TMEM161B: variants seen among roughly 807,000 people sequenced by gnomAD.
TMEM161B encodes transmembrane protein 161B.
A neutral mutation model predicts 61.8 loss-of-function variants in TMEM161B; 34 were observed. That is an observed-to-expected ratio of 0.55 (90% CI 0.42 to 0.73). TMEM161B has a LOEUF of 0.73. TMEM161B is among the 30% of genes least tolerant of loss of function. The probability of loss-of-function intolerance (pLI) is 0.00; values close to 1 mark genes in which losing one functional copy is unlikely to be tolerated. For missense variants in TMEM161B, 456 were observed against 558.5 expected, an observed-to-expected ratio of 0.82 and a Z score of 1.85; for synonymous variants, 167 against 192.8, an observed-to-expected ratio of 0.87 and a Z score of 1.11.
At chr5:88,221,795 T>C in intron 4 of TMEM161B, 1 of 455,728 alleles carries the variant, frequency 2.2e-6, no homozygotes, top group Non-Finnish European at 4.4e-6. Flanking sequence ...TACATAACCA[T>C]CAATTCAGAT....
At chr5:88,211,808 G>A (rs1746858993) in intron 5 of TMEM161B, among the ~76,000 whole-genome samples, 1 of 149,820 alleles carries the variant, frequency 6.7e-6, no homozygotes, top group Non-Finnish European at 1.5e-5. Flanking sequence ...CTGATGATGA[G>A]AGGTTAATCC....
At chr5:88,263,589 C>G (rs771725724) in intron 1 of TMEM161B, among the ~76,000 whole-genome samples, 2 of 152,052 alleles carry the variant, frequency 1.3e-5, no homozygotes, top group Non-Finnish European at 2.9e-5. Context: ...TAAAAAGTTC[C>G]TTTGAGACAA....
At chr5:88,215,740 T>C (rs77952794) in intron 5 of TMEM161B, among the ~76,000 whole-genome samples, 1 of 152,346 alleles carries the variant, frequency 6.6e-6, no homozygotes, top group East Asian at 1.9e-4. Context: ...CTAAAGGCTG[T>C]GTGGGACCTT....
At chr5:88,222,154 A>G (rs1749119865) in intron 4 of TMEM161B, among the ~76,000 whole-genome samples, 1 of 152,160 alleles carries the variant, frequency 6.6e-6, no homozygotes, top group Non-Finnish European at 1.5e-5. Flanking sequence ...CTGCAGCCTC[A>G]GCTTCTCGGG....
downstream of TMEM161B, among the ~76,000 whole-genome samples, chr5:88,186,934 C>A (rs1392297882): frequency 7.0e-6 from 1 of 142,254 alleles, no homozygotes; most frequent in Non-Finnish European, 1.5e-5. Context: ...CAACAACAAA[C>A]CAATTTTATG....
At position 88,198,859 on chromosome 5, in the gene TMEM161B, T is replaced by C; in HGVS notation, c.1089+117A>G. 3 of 916,336 alleles carry C rather than the reference T, an allele frequency of 3.3e-6. No individual in the cohort carries two copies. In the South Asian group the frequency reaches 5.7e-5, roughly 17 times the overall value. 56.8% of individuals were successfully genotyped at this position (916,336 alleles called of 1,614,324 possible). On this transcript the variant is annotated intron_variant, in intron 10 of 11. Transcript: ENST00000296595. ...TCTGTCAACTTAAGATTGTTCTGTT[T>C]ATTTATAATAAGAATATGATGGGTT...
At chr5:88,233,821 TA>T (rs1751398332) in intron 2 of TMEM161B, among the ~76,000 whole-genome samples, 1 of 152,004 alleles carries the variant, frequency 6.6e-6, no homozygotes, top group Non-Finnish European at 1.5e-5. Context: ...AGACATCAAG[TA>T]AAAGTGACAG....
intron 5 of TMEM161B, among the ~76,000 whole-genome samples, chr5:88,216,758 T>C (rs1747935262): frequency 6.6e-6 from 1 of 152,206 alleles, no homozygotes; most frequent in African/African-American, 2.4e-5. Context: ...TATTAAGATG[T>C]AAGACATGCA....
intron 4 of TMEM161B, among the ~76,000 whole-genome samples, chr5:88,225,184 G>A (rs1273834191): frequency 6.6e-6 from 1 of 151,934 alleles, no homozygotes; most frequent in Non-Finnish European, 1.5e-5. Context: ...AGCCAGGATG[G>A]TCTCGATCTC....
At position 88,196,286 on chromosome 5, in the gene TMEM161B, G is replaced by T. The variant is rs1194642185; in HGVS notation, c.1389C>A (p.Thr463=). The T allele has an allele frequency of 1.2e-6, 2 of 1,613,182 alleles. No individual in the cohort carries two copies. The highest frequency in any genetic ancestry group is 1.7e-6 in the Non-Finnish European group (2 of 1,179,484). Residue 463 remains threonine (T), a synonymous_variant, in exon 12 of 12, where the codon ACC becomes ACA. Coordinates refer to ENST00000296595, the MANE Select transcript of TMEM161B (RefSeq NM_153354.5). The part of the protein sequence containing the change: ...LLFRGLLSFL[T]WWIAACLFST... ...AAAAGAGGCAAGCAGCAATCCACCA[G>T]GTCAGAAAAGACAGAAGTCCTCGAA... is the stretch of plus-strand genomic sequence containing the variant.
intron 2 of TMEM161B, among the ~76,000 whole-genome samples, chr5:88,233,895 C>A (rs2112613610): frequency 6.6e-6 from 1 of 151,826 alleles, no homozygotes; most frequent in Non-Finnish European, 1.5e-5. Context: ...AATTGTGGCA[C>A]CTAAATCCAT....
chr5:88,247,534 T>C (rs969617147), intron 1 of TMEM161B, among the ~76,000 whole-genome samples: 4 of 152,118 alleles, frequency 2.6e-5, no homozygotes, highest in African/African-American at 9.7e-5. Context: ...TATATCCCAA[T>C]GACCTTCCTA....
In TMEM161B at chr5:88,203,053, A is replaced by G; in HGVS notation, c.823T>C (p.Leu275=). The G allele has an allele frequency of 1.2e-6, 2 of 1,605,178 alleles. No individual in the cohort carries two copies. Among genetic ancestry groups the G allele is most frequent in the Non-Finnish European group, 1.7e-6 (2 of 1,172,374 alleles). ...AGCAGAACCATAAATAAAGGTGCCAAGAAGTTGATATGAAGTAAAGTTCTG... is the reference window on the plus strand; with the variant it reads ...AGCAGAACCATAAATAAAGGTGCCAGGAAGTTGATATGAAGTAAAGTTCTG... ...ITQTLLHINF[L]APLFMVLLWV... is the part of the protein sequence containing the mutation. The change falls in exon 9 of 12, where the codon TTG becomes CTG. Residue 275 remains leucine (L), a synonymous_variant. Coordinates refer to ENST00000296595, the MANE Select transcript of TMEM161B (RefSeq NM_153354.5).
chr5:88,228,760 G>C (rs1390272899), intron 2 of TMEM161B, among the ~76,000 whole-genome samples: 6 of 152,080 alleles, frequency 3.9e-5, no homozygotes, highest in Non-Finnish European at 7.4e-5. Flanking sequence ...AATGCCATTT[G>C]TATGTATATT....
downstream of TMEM161B, among the ~76,000 whole-genome samples, chr5:88,193,867 T>A (rs1336555375): frequency 6.6e-6 from 1 of 152,200 alleles, no homozygotes; most frequent in Admixed American, 6.5e-5. Context: ...CACATTTTGA[T>A]GACGCTGATA....
At chr5:88,244,977 T>C (rs1316325566) in intron 1 of TMEM161B, among the ~76,000 whole-genome samples, 2 of 151,872 alleles carry the variant, frequency 1.3e-5, no homozygotes, top group African/African-American at 2.4e-5. Flanking sequence ...CTGATTTTTA[T>C]ACATTGATTT....
Position 88,205,006 on chromosome 5 carries a change from T to C in TMEM161B, c.800+808A>G, listed in dbSNP as rs116607975. 5.2e-3 allele frequency among the ~76,000 whole-genome samples: 796 copies of C among 152,274 alleles called. 13 individuals are homozygous for C. The highest frequency in any genetic ancestry group is 0.018 in the African/African-American group (767 of 41,570). Reference sequence around the variant, plus strand: ...CCCAGATAAACTTAATGGTTATAAATACACATATCAAAATGAAATATTCTC... The same window carrying C: ...CCCAGATAAACTTAATGGTTATAAACACACATATCAAAATGAAATATTCTC... On this transcript the variant is annotated intron_variant, in intron 8 of 11. Coordinates refer to ENST00000296595, the MANE Select transcript of TMEM161B (RefSeq NM_153354.5).
At chr5:88,262,964 A>G (rs1243970672) in intron 1 of TMEM161B, among the ~76,000 whole-genome samples, 1 of 152,200 alleles carries the variant, frequency 6.6e-6, no homozygotes, top group Admixed American at 6.5e-5. Context: ...GAAATTTCAT[A>G]TAATCGATTA....
rs1749496757 is a variant in TMEM161B at position 88,195,581 on chromosome 5, A to G, written c.*630T>C. 1 of 985,440 alleles carries G rather than the reference A, an allele frequency of 1.0e-6. No individual in the cohort carries two copies. Among genetic ancestry groups the G allele is most frequent in the Non-Finnish European group, 1.2e-6 (1 of 829,686 alleles). 61.0% of individuals were successfully genotyped at this position (985,440 alleles called of 1,614,324 possible). On this transcript the variant is annotated 3_prime_UTR_variant, in exon 12 of 12. Coordinates refer to ENST00000296595, the MANE Select transcript of TMEM161B (RefSeq NM_153354.5). ...TAAAAGAACTCTCAAGTTGGGTGGAATATGTTTTAAAACAATACTCTTGCT... is the reference window on the plus strand; with the variant it reads ...TAAAAGAACTCTCAAGTTGGGTGGAGTATGTTTTAAAACAATACTCTTGCT...
Sources: gnomAD v4.1 joint callset for allele counts (sites outside exome capture counted in the v4.1 genomes callset) on GRCh38, gnomAD v4.1.1 for gene constraint, MANE v1.5 for transcripts, NCBI Gene and HGNC (gene_info 2026-07-23, HGNC 2026-07-21) for gene names.